The following CPEB1 variants were observed in gnomAD, a reference collection of about 807,000 sequenced individuals.
CPEB1 encodes the protein cytoplasmic polyadenylation element-binding protein 1.
Under a neutral mutation model 65.8 loss-of-function variants are expected in CPEB1, and 7 were observed. That is an observed-to-expected ratio of 0.11 (90% CI 0.06 to 0.20). CPEB1 has a LOEUF of 0.20. Among genes scored for constraint, CPEB1 ranks in the 10% least tolerant of loss-of-function variants. The pLI, the probability that CPEB1 is intolerant of heterozygous loss-of-function variation, is 1.00. For synonymous variants in CPEB1, 262 were observed against 260.0 expected (o/e 1.01, Z -0.08); for missense variants, 551 against 712.2 (o/e 0.77, Z 2.58).
intron 3 of CPEB1, among the ~76,000 whole-genome samples, chr15:82,620,239 GTATGTCTCTAC>G (rs1358684951): frequency 6.6e-6 from 1 of 151,968 alleles, no homozygotes; most frequent in African/African-American, 2.4e-5. Flanking sequence ...AATATGGCCA[GTATGTCTCTAC>G]TATGTCTCTA....
intron 1 of CPEB1, among the ~76,000 whole-genome samples, chr15:82,630,719 C>T (rs565324057): frequency 2.0e-5 from 3 of 151,960 alleles, no homozygotes; most frequent in Non-Finnish European, 4.4e-5. Context: ...CCTGGAGGGA[C>T]AGAATGTGCC....
intron 9 of CPEB1, among the ~76,000 whole-genome samples, chr15:82,551,740 C>T (rs532582352): frequency 6.6e-6 from 1 of 152,244 alleles, no homozygotes; most frequent in East Asian, 1.9e-4. Flanking sequence ...TTCCTGAGCT[C>T]AAAACTTGCT....
intron 3 of CPEB1, among the ~76,000 whole-genome samples, chr15:82,625,669 T>C (rs189240374): frequency 6.6e-6 from 1 of 152,296 alleles, no homozygotes; most frequent in Admixed American, 6.5e-5. Context: ...CAGCTTTGGT[T>C]GAAAAACATC....
intron 3 of CPEB1, among the ~76,000 whole-genome samples, chr15:82,615,013 T>A (rs184997398): frequency 5.5e-4 from 84 of 152,280 alleles, no homozygotes; most frequent in African/African-American, 2.0e-3. Context: ...CAAATCTTAT[T>A]TAAGCTTCAC....
At position 82,548,988 on chromosome 15, in the gene CPEB1, A is replaced by G. The variant is rs2035778517; in HGVS notation, c.1480+472T>C. 2.6e-5 allele frequency among the ~76,000 whole-genome samples: 4 copies of G among 152,260 alleles called. No homozygotes were observed. The South Asian group carries it at 8.3e-4, about 32-fold the overall frequency. On this transcript the variant is annotated intron_variant, in intron 10 of 12. Transcript: ENST00000684509. ...TAGGCCCACAGACTTCTGAGTTAGGAAAGCACAGGCCACACTCTGTTGCCT... is the reference window on the plus strand; with the variant it reads ...TAGGCCCACAGACTTCTGAGTTAGGGAAGCACAGGCCACACTCTGTTGCCT...
intron 3 of CPEB1, among the ~76,000 whole-genome samples, chr15:82,619,418 A>G (rs1480686437): frequency 6.6e-6 from 1 of 152,252 alleles, no homozygotes; most frequent in Non-Finnish European, 1.5e-5. Context: ...ATTAAACACA[A>G]TGGAATAAAG....
At chr15:82,638,566 T>C (rs1384187492) in intron 1 of CPEB1, 1 of 152,176 alleles carries the variant, frequency 6.6e-6, no homozygotes, top group Non-Finnish European at 1.5e-5. Flanking sequence ...CTGACTTACT[T>C]GGTTGATTTT....
chr15:82,596,241 G>A (rs1301179773), intron 3 of CPEB1, among the ~76,000 whole-genome samples: 1 of 152,160 alleles, frequency 6.6e-6, no homozygotes, highest in Non-Finnish European at 1.5e-5. Flanking sequence ...AGCATGTGGT[G>A]AAACTTGAAC....
At chr15:82,601,137 C>T (rs1010205192) in intron 3 of CPEB1, among the ~76,000 whole-genome samples, 1 of 150,872 alleles carries the variant, frequency 6.6e-6, no homozygotes, top group Non-Finnish European at 1.5e-5. Context: ...AACTCCTGGC[C>T]TCAGGTGATC....
intron 4 of CPEB1, among the ~76,000 whole-genome samples, chr15:82,559,480 T>C (rs1268292717): frequency 3.3e-5 from 5 of 152,198 alleles, no homozygotes; most frequent in Non-Finnish European, 5.9e-5. Flanking sequence ...CTATATACCA[T>C]TTTACATTCC....
chr15:82,598,448 T>C (rs1327706994), intron 3 of CPEB1, among the ~76,000 whole-genome samples: 2 of 151,750 alleles, frequency 1.3e-5, no homozygotes, highest in Admixed American at 1.3e-4. Context: ...GAGCTGAGAT[T>C]GCACCACTCC....
At chr15:82,633,653 A>G (rs2046433296) in intron 1 of CPEB1, among the ~76,000 whole-genome samples, 2 of 152,354 alleles carry the variant, frequency 1.3e-5, no homozygotes, top group East Asian at 3.9e-4. Context: ...GATTATAGGC[A>G]TGAGCCACAG....
At chr15:82,573,188 C>G (rs1440010947) in intron 3 of CPEB1, 5 of 1,526,874 alleles carry the variant, frequency 3.3e-6, no homozygotes, top group Non-Finnish European at 4.4e-6. Flanking sequence ...CACAGGCACT[C>G]AGGCATAGCC....
chr15:82,619,560 G>A (rs541610604), intron 3 of CPEB1, among the ~76,000 whole-genome samples: 4 of 152,132 alleles, frequency 2.6e-5, no homozygotes, highest in African/African-American at 9.6e-5. Context: ...CTCATATGTG[G>A]CCTATATAAA....
chr15:82,598,226 A>G (rs906674505), intron 3 of CPEB1, among the ~76,000 whole-genome samples: 3 of 152,122 alleles, frequency 2.0e-5, no homozygotes, highest in Non-Finnish European at 4.4e-5. Flanking sequence ...CTGTAATCCT[A>G]GTACTTTGGG....
chr15:82,597,303 G>C (rs1378409874), intron 3 of CPEB1, among the ~76,000 whole-genome samples: 1 of 152,188 alleles, frequency 6.6e-6, no homozygotes, highest in Admixed American at 6.5e-5. Flanking sequence ...GATTTCTTAA[G>C]GAATCAGAGA....
At chr15:82,573,234 A>ATT (rs11336258) in intron 3 of CPEB1, 324 of 1,151,526 alleles carry the variant, frequency 2.8e-4, no homozygotes, top group South Asian at 4.4e-4. Context: ...TCCTTTGGAG[A>ATT]TTTTTTTTTT....
intron 3 of CPEB1, among the ~76,000 whole-genome samples, chr15:82,600,319 C>T (rs1456859108): frequency 2.0e-5 from 3 of 151,930 alleles, no homozygotes; most frequent in East Asian, 1.9e-4. Context: ...AAGAAATGAA[C>T]GTGAGAAAGA....
intron 4 of CPEB1, among the ~76,000 whole-genome samples, chr15:82,559,455 T>C (rs2037814696): frequency 6.6e-6 from 1 of 152,206 alleles, no homozygotes; most frequent in Non-Finnish European, 1.5e-5. Flanking sequence ...AATACTGTTT[T>C]CCAAGTAGAT....
Sources: allele counts gnomAD v4.1 joint callset (sites outside exome capture counted in the v4.1 genomes callset), GRCh38; gene constraint gnomAD v4.1.1; transcripts MANE v1.5; gene names NCBI Gene and HGNC (gene_info 2026-07-23, HGNC 2026-07-21).